Variants in SLC23A1 observed in about 807,000 individuals in gnomAD.
SLC23A1 encodes the protein Na(+)/L-ascorbic acid transporter 1.
SLC23A1 carries 31 observed loss-of-function variants against 62.5 expected under a neutral mutation model. That is an observed-to-expected ratio of 0.50 (90% CI 0.37 to 0.67). The LOEUF (loss-of-function observed/expected upper bound fraction) is 0.67. Among genes scored for constraint, SLC23A1 ranks in the 30% least tolerant of loss-of-function variants. The pLI, the probability that SLC23A1 is intolerant of heterozygous loss-of-function variation, is 0.00. For synonymous variants in SLC23A1, 271 were observed against 313.2 expected (o/e 0.87, Z 1.42); for missense variants, 640 against 782.7 (o/e 0.82, Z 2.18).
intron 13 of SLC23A1, among the ~76,000 whole-genome samples, chr5:139,376,484 G>A (rs1372629101): frequency 1.3e-5 from 2 of 152,114 alleles, no homozygotes; most frequent in Non-Finnish European, 2.9e-5. Context: ...TTTTAATTTT[G>A]TGACTTTATG....
In SLC23A1 at chr5:139,373,885, C is replaced by T. The variant is rs180952118; in HGVS notation, c.1550-1632G>A. 1.1e-4 allele frequency among the ~76,000 whole-genome samples: 17 copies of T among 152,246 alleles called. No homozygotes were observed. The East Asian group carries it at 2.7e-3, about 24-fold the overall frequency. ...CTATGTTTCTGGTGTCCGATTACCTCGCACCACTGCCAAGACACACATGGC... is the reference window on the plus strand; with the variant it reads ...CTATGTTTCTGGTGTCCGATTACCTTGCACCACTGCCAAGACACACATGGC... On this transcript the variant is annotated intron_variant, in intron 13 of 14. Transcript: ENST00000348729.
At position 139,377,988 on chromosome 5, in the gene SLC23A1, G is replaced by A. The variant is rs764133307; in HGVS notation, c.1440C>T (p.Gly480=). The A allele has an allele frequency of 6.2e-7, 1 of 1,613,728 alleles. No homozygotes were observed. Among genetic ancestry groups the A allele is most frequent in the South Asian group, 1.1e-5 (1 of 90,988 alleles). ...TLPNYLESNP[G]AINTGILEVD... is the part of the protein sequence containing the mutation. ...AGCTGGAGGCACCTGTATTGATGGC[G>A]CCAGGGTTGGACTCCAGGTAATTGG... Residue 480 remains glycine (G), a synonymous_variant, in exon 12 of 15, where the codon GGC becomes GGT. Coordinates refer to ENST00000348729, the MANE Select transcript of SLC23A1 (RefSeq NM_005847.5).
Position 139,371,754 on chromosome 5 carries a change from C to T in SLC23A1, c.*19+233G>A, listed in dbSNP as rs72552211. Among the ~76,000 whole-genome samples the T allele has an allele frequency of 1.7e-3, 262 of 152,346 alleles. 3 individuals carry two copies. The highest frequency in any genetic ancestry group is 0.015 in the East Asian group (77 of 5,186). On this transcript the variant is annotated intron_variant, in intron 14 of 14. Coordinates refer to ENST00000348729, the MANE Select transcript of SLC23A1 (RefSeq NM_005847.5). Reference sequence around the variant, plus strand: ...GCTAGAGGATCTGCATTTCAGCATACTTGTAGCCTCTTAGTGGCCCACACT... The same window carrying T: ...GCTAGAGGATCTGCATTTCAGCATATTTGTAGCCTCTTAGTGGCCCACACT...
intron 13 of SLC23A1, 119 bp from the exon 14 acceptor site, chr5:139,372,372 G>A: frequency 2.1e-6 from 2 of 959,680 alleles, no homozygotes; most frequent in Non-Finnish European, 3.1e-6. Flanking sequence ...CTATCATTTG[G>A]TCCTAAAACG....
Position 139,379,723 on chromosome 5 carries a change from C to T in SLC23A1, c.880G>A (p.Gly294Ser), listed in dbSNP as rs151281788. ...CAGGGTGCAATAGCCATGATGTCAC[C>T]ACGGGCATCGGTTCGTGCCTGGAAG... Reference protein sequence around the residue: ...YGFQARTDARGDIMAIAPWIR... With the variant: ...YGFQARTDARSDIMAIAPWIR... The change falls in exon 8 of 15, where the codon GGT becomes AGT. Residue 294 changes from glycine (G) to serine (S), a missense_variant. By Grantham distance (56) the Gly-to-Ser change is moderately conservative. Transcript: ENST00000348729. This position sits in a 1 kb window ranked among gnomAD's most constrained non-coding sequence, Gnocchi z 4.7. 19 of 1,613,994 alleles carry T rather than the reference C, an allele frequency of 1.2e-5. No homozygotes were observed. In the East Asian group the frequency reaches 4.2e-4, roughly 36 times the overall value.
At chr5:139,373,144 C>G (rs1483059210) in intron 13 of SLC23A1, among the ~76,000 whole-genome samples, 1 of 105,894 alleles carries the variant, frequency 9.4e-6, no homozygotes, top group Non-Finnish European at 2.7e-5. Flanking sequence ...AGGGATACAC[C>G]AAATAATTTG....
upstream of SLC23A1, chr5:139,384,690 G>A (rs933254636): frequency 1.9e-5 from 23 of 1,198,120 alleles, no homozygotes; most frequent in Admixed American, 6.7e-5. Context: ...CACACAACAC[G>A]CATAGAGAAC....
chr5:139,374,194 G>A (rs1261591868), intron 13 of SLC23A1, among the ~76,000 whole-genome samples: 4 of 152,202 alleles, frequency 2.6e-5, no homozygotes, highest in Non-Finnish European at 4.4e-5. Flanking sequence ...GGCCAAGCTG[G>A]TAAGCTCTAG....
chr5:139,368,015 A>G (rs957138790), intron 14 of SLC23A1, among the ~76,000 whole-genome samples: 8 of 152,034 alleles, frequency 5.3e-5, no homozygotes, highest in Non-Finnish European at 8.8e-5. Context: ...CCTGGCTAAC[A>G]TGGTGAAACC....
chr5:139,384,361 T>A (rs1758425678), upstream of SLC23A1: 1 of 1,286,314 alleles, frequency 7.8e-7, no homozygotes. Context: ...CACCTACTTC[T>A]GGGTCGCTGT....
intron 13 of SLC23A1, among the ~76,000 whole-genome samples, chr5:139,374,598 G>A (rs1259419134): frequency 1.3e-5 from 2 of 152,208 alleles, no homozygotes; most frequent in Non-Finnish European, 2.9e-5. Context: ...CCTTAGGCAA[G>A]TGACAACCCC....
chr5:139,370,470 C>CTTTATTTATTTA (rs70982775), intron 14 of SLC23A1, among the ~76,000 whole-genome samples: 350 of 140,290 alleles, frequency 2.5e-3, no homozygotes, highest in African/African-American at 5.6e-3. Flanking sequence ...CGCACCCAGC[C>CTTTATTTATTTA]TTTATTTATT....
intron 13 of SLC23A1, among the ~76,000 whole-genome samples, chr5:139,374,645 G>A (rs903576752): frequency 6.6e-6 from 1 of 152,190 alleles, no homozygotes; most frequent in East Asian, 1.9e-4. Flanking sequence ...ACTGAAGACT[G>A]CTGAGCTTAT....
intron 2 of SLC23A1, 80 bp from the exon 3 acceptor site, chr5:139,382,129 C>CCCG: frequency 1.4e-6 from 2 of 1,423,280 alleles, no homozygotes; most frequent in Non-Finnish European, 1.9e-6. Flanking sequence ...TGTCCTCATG[C>CCCG]CTGCCTCAGC....
intron 13 of SLC23A1, among the ~76,000 whole-genome samples, chr5:139,376,709 A>G (rs978330900): frequency 6.6e-6 from 1 of 152,230 alleles, no homozygotes; most frequent in Non-Finnish European, 1.5e-5. Flanking sequence ...TCTAGTCGCC[A>G]TTGTGGCAGG....
chr5:139,377,526 G>A (rs750781041), intron 12 of SLC23A1, 29 bp from the exon 13 acceptor site: 2 of 1,201,350 alleles, frequency 1.7e-6, no homozygotes, highest in Non-Finnish European at 2.5e-6. Flanking sequence ...GCCAATGGGT[G>A]TCATGGCCCA....
upstream of SLC23A1, among the ~76,000 whole-genome samples, chr5:139,383,974 A>G (rs1581385885): frequency 6.6e-6 from 1 of 152,162 alleles, no homozygotes. Flanking sequence ...CCGGGTCTGC[A>G]CTCTGTGTCA....
At chr5:139,376,651 C>T (rs970211447) in intron 13 of SLC23A1, among the ~76,000 whole-genome samples, 4 of 152,220 alleles carry the variant, frequency 2.6e-5, no homozygotes, top group Admixed American at 1.3e-4. Context: ...GTATCCTCCA[C>T]GATCTTTGCA....
chr5:139,380,911 G>A, intron 3 of SLC23A1, 25 bp from the exon 4 acceptor site: 1 of 859,826 alleles, frequency 1.2e-6, no homozygotes. Flanking sequence ...CAAAGCAACA[G>A]GGGTGGGGAG....
Sources: gnomAD v4.1 joint callset for allele counts (sites outside exome capture counted in the v4.1 genomes callset) on GRCh38, gnomAD v4.1.1 for gene constraint, Gnocchi (gnomAD v3.1) non-coding constraint, MANE v1.5 for transcripts, NCBI Gene and HGNC (gene_info 2026-07-23, HGNC 2026-07-21) for gene names.